IPCEF1: variants seen among roughly 807,000 people sequenced by gnomAD.
The protein encoded by IPCEF1 is interaction protein for cytohesin exchange factors 1.
In IPCEF1, 31 loss-of-function variants were observed where a neutral mutation model predicts 50.9. The ratio of observed to expected loss-of-function variants is 0.61; its 90% CI spans 0.46 to 0.82. The LOEUF is 0.82. IPCEF1 is among the 40% of genes least tolerant of loss of function. The pLI is 0.00. For synonymous variants in IPCEF1, 181 were observed against 192.0 expected, an observed-to-expected ratio of 0.94 and a Z score of 0.47; for missense variants, 458 against 514.0, an observed-to-expected ratio of 0.89 and a Z score of 1.05.
chr6:154,204,114 A>G (rs1327540791), intron 9 of IPCEF1, among the ~76,000 whole-genome samples: 1 of 152,238 alleles, frequency 6.6e-6, no homozygotes, highest in African/African-American at 2.4e-5. Context: ...TCTTCGTTCT[A>G]GTTAAGAGAC....
At chr6:154,200,305 G>A (rs1776957937) in intron 9 of IPCEF1, among the ~76,000 whole-genome samples, 1 of 152,092 alleles carries the variant, frequency 6.6e-6, no homozygotes, top group Admixed American at 6.5e-5. Context: ...ATTCTTCAAT[G>A]CTCTCCAGAA....
chr6:154,174,032 G>C (rs1188958775), intron 10 of IPCEF1, among the ~76,000 whole-genome samples: 2 of 152,076 alleles, frequency 1.3e-5, no homozygotes, highest in Non-Finnish European at 2.9e-5. Context: ...ATTCTTAAAG[G>C]AAAGAATTTC....
chr6:154,321,778 T>TAAAAAAAAAAAAAAAAA (rs61648946), intron 1 of IPCEF1, among the ~76,000 whole-genome samples: 2 of 51,936 alleles, frequency 3.9e-5, no homozygotes, highest in African/African-American at 1.1e-4. Context: ...AGACTCTTTC[T>TAAAAAAAAAAAAAAAAA]AAAAAAAAAA....
intron 1 of IPCEF1, among the ~76,000 whole-genome samples, chr6:154,309,246 C>T (rs1289391181): frequency 6.6e-6 from 1 of 152,158 alleles, no homozygotes; most frequent in African/African-American, 2.4e-5. Context: ...CCAATAACCG[C>T]TCATTCACAG....
At chr6:154,179,986 C>CA (rs1274413560) in intron 10 of IPCEF1, among the ~76,000 whole-genome samples, 1 of 152,178 alleles carries the variant, frequency 6.6e-6, no homozygotes, top group East Asian at 1.9e-4. Context: ...CTTTGAGTAG[C>CA]AAGGCCAGCC....
At position 154,354,471 on chromosome 6, in the gene IPCEF1, A is replaced by ACCACCTCCACCATCTCCTCCACC. The variant is rs1260024841; in HGVS notation, c.-62+2200_-62+2201insGGTGGAGGAGATGGTGGAGGTGG. ...CCACCACCTCCACCATCTCCTCCAC[A>ACCACCTCCACCATCTCCTCCACC]ACCACCTCCACCATCTCTACCGTCA... On this transcript the variant is annotated intron_variant, in intron 1 of 11. Transcript: ENST00000367220. 3.4e-3 allele frequency among the ~76,000 whole-genome samples: 175 copies of ACCACCTCCACCATCTCCTCCACC among 52,034 alleles called. 2 individuals are homozygous for ACCACCTCCACCATCTCCTCCACC. Among genetic ancestry groups the ACCACCTCCACCATCTCCTCCACC allele is most frequent in the African/African-American group, 5.5e-3 (94 of 17,194 alleles). The allele number at this position is 52,034 out of a possible 152,430, so 34.1% of individuals were successfully genotyped here. A position where few individuals can be genotyped will look rare whatever the true frequency, so the allele number is the denominator to read the frequency against.
At chr6:154,223,355 A>G (rs921897725) in intron 5 of IPCEF1, 112 bp from the exon 6 acceptor site, 3 of 820,982 alleles carry the variant, frequency 3.7e-6, no homozygotes, top group Admixed American at 4.0e-5. Flanking sequence ...GGGAGAATCA[A>G]GAGATACCAA....
At chr6:154,269,740 A>G (rs1781856660) in intron 2 of IPCEF1, among the ~76,000 whole-genome samples, 1 of 152,226 alleles carries the variant, frequency 6.6e-6, no homozygotes, top group Non-Finnish European at 1.5e-5. Flanking sequence ...AGCTAAGCTC[A>G]ACTCTTGTTT....
At chr6:154,347,219 T>A (rs1004683663) in intron 1 of IPCEF1, among the ~76,000 whole-genome samples, 6 of 152,218 alleles carry the variant, frequency 3.9e-5, no homozygotes, top group Non-Finnish European at 7.3e-5. Flanking sequence ...TTATGTAGCA[T>A]CCTTTTCCTT....
intron 3 of IPCEF1, among the ~76,000 whole-genome samples, chr6:154,253,444 G>A (rs373609942): frequency 6.6e-6 from 1 of 152,094 alleles, no homozygotes; most frequent in African/African-American, 2.4e-5. Context: ...ATGTTTTCAC[G>A]TTGATACATG....
At chr6:154,194,418 A>G (rs1776423756) in intron 10 of IPCEF1, among the ~76,000 whole-genome samples, 1 of 151,902 alleles carries the variant, frequency 6.6e-6, no homozygotes, top group South Asian at 2.1e-4. Flanking sequence ...TAAAATCCTC[A>G]CCTCTAAATT....
intron 1 of IPCEF1, among the ~76,000 whole-genome samples, chr6:154,326,688 A>G (rs1783528410): frequency 6.6e-6 from 1 of 152,230 alleles, no homozygotes; most frequent in Admixed American, 6.5e-5. Flanking sequence ...TACCATTGAC[A>G]TTCTTCACAG....
intron 1 of IPCEF1, among the ~76,000 whole-genome samples, chr6:154,295,353 T>C (rs1782619685): frequency 6.6e-6 from 1 of 152,238 alleles, no homozygotes; most frequent in East Asian, 1.9e-4. Context: ...TGCCCTGGCA[T>C]CTGCCGCTGT....
chr6:154,307,590 C>T lies in IPCEF1; in HGVS notation c.-61-17834G>A, dbSNP rs143917760. Among the ~76,000 whole-genome samples the T allele has an allele frequency of 4.1e-4, 62 of 152,206 alleles. No homozygotes were observed. The East Asian group carries it at 8.1e-3, about 20-fold the overall frequency. The stretch of plus-strand genomic sequence containing the variant: ...GAGAGACACAGTTTAAGCCTATAAC[C>T]GTGGTCCAGAACTGTCTTTTATTTC... On this transcript the variant is annotated intron_variant, in intron 1 of 11. Coordinates refer to ENST00000367220, the MANE Select transcript of IPCEF1 (RefSeq NM_001130700.2).
intron 11 of IPCEF1, among the ~76,000 whole-genome samples, chr6:154,166,589 G>A (rs374551705): frequency 1.3e-5 from 2 of 152,148 alleles, no homozygotes; most frequent in Non-Finnish European, 2.9e-5. Flanking sequence ...AAAGCACCCT[G>A]AGCACATCTC....
chr6:154,301,721 C>T (rs1166573658), intron 1 of IPCEF1, among the ~76,000 whole-genome samples: 2 of 152,138 alleles, frequency 1.3e-5, no homozygotes, highest in Non-Finnish European at 2.9e-5. Flanking sequence ...TGTGCATTTA[C>T]AGCTTTCATC....
At chr6:154,235,022 T>A in intron 5 of IPCEF1, among the ~76,000 whole-genome samples, 1 of 152,004 alleles carries the variant, frequency 6.6e-6, no homozygotes, top group Non-Finnish European at 1.5e-5. Context: ...ACCAGCATAG[T>A]CAAAAAAAGA....
chr6:154,158,683 G>C lies in IPCEF1; in HGVS notation c.*1145C>G, dbSNP rs1270404773. On this transcript the variant is annotated 3_prime_UTR_variant, in exon 12 of 12. Transcript: ENST00000367220. ...CACAGTGCAACATCATAACACCAGT[G>C]AATCAATAGTATTTCTATTTTTCTC... 1.3e-5 allele frequency: 2 copies of C among 151,970 alleles called. No homozygotes were observed. The highest frequency in any genetic ancestry group is 4.8e-5 in the African/African-American group (2 of 41,356). The allele number at this position is 151,970 out of a possible 1,614,324, so 9.4% of individuals were successfully genotyped here. A position where few individuals can be genotyped will look rare whatever the true frequency, so the allele number is the denominator to read the frequency against.
At chr6:154,200,841 T>G (rs1777008979) in intron 9 of IPCEF1, among the ~76,000 whole-genome samples, 1 of 152,206 alleles carries the variant, frequency 6.6e-6, no homozygotes, top group Non-Finnish European at 1.5e-5. Context: ...TTTTCATCAG[T>G]ACACAGAGAA....
Sources: gnomAD v4.1 joint callset for allele counts (sites outside exome capture counted in the v4.1 genomes callset) on GRCh38, gnomAD v4.1.1 for gene constraint, MANE v1.5 for transcripts, NCBI Gene and HGNC (gene_info 2026-07-23, HGNC 2026-07-21) for gene names.